MYO18B: variants seen among roughly 807,000 people sequenced by gnomAD.
MYO18B encodes myosin XVIIIB.
Under a neutral mutation model 273.0 loss-of-function variants are expected in MYO18B, and 204 were observed. The observed-to-expected ratio is 0.75, with a 90% CI of 0.67 to 0.84. The LOEUF (loss-of-function observed/expected upper bound fraction) is 0.84, where lower values mean the gene tolerates loss of function less well. Ranked by LOEUF, MYO18B falls within the 40% of genes least tolerant of loss-of-function variation. The pLI is 0.00. For synonymous variants in MYO18B, 1,330 were observed against 1,305.7 expected, an observed-to-expected ratio of 1.02 and a Z score of -0.40; for missense variants, 3,212 against 3,287.6, an observed-to-expected ratio of 0.98 and a Z score of 0.56.
At chr22:26,063,831 G>A in the MYO18B span, among the ~76,000 whole-genome samples, 2 of 152,206 alleles carry the variant, frequency 1.3e-5, no homozygotes, top group African/African-American at 2.4e-5. Flanking sequence ...AGCAATTAAA[G>A]CTCTTCTTTT....
chr22:25,759,641 A>G (rs1290869044), intron 1 of MYO18B, among the ~76,000 whole-genome samples: 4 of 152,222 alleles, frequency 2.6e-5, no homozygotes, highest in Admixed American at 1.3e-4. Context: ...CATGTTCTAC[A>G]CATATATCCC....
At chr22:25,758,073 G>A (rs776603946) in intron 1 of MYO18B, among the ~76,000 whole-genome samples, 20 of 152,148 alleles carry the variant, frequency 1.3e-4, no homozygotes, top group Non-Finnish European at 1.0e-4. Flanking sequence ...GAGTGCAGTG[G>A]CACCATCTTG....
At chr22:26,042,028 A>G in the MYO18B span, among the ~76,000 whole-genome samples, 1 of 152,162 alleles carries the variant, frequency 6.6e-6, no homozygotes, top group Non-Finnish European at 1.5e-5. Flanking sequence ...GCTCCACCCT[A>G]AGGAGCCAGA....
At chr22:25,994,697 GC>G (rs1225218422) in intron 40 of MYO18B, among the ~76,000 whole-genome samples, 2 of 152,076 alleles carry the variant, frequency 1.3e-5, no homozygotes, top group African/African-American at 4.8e-5. Context: ...CACCTCCACT[GC>G]CCCCTCCTCC....
At position 25,908,329 on chromosome 22, in the gene MYO18B, A is replaced by T; in HGVS notation, c.5156A>T (p.Gln1719Leu). 6.3e-7 allele frequency: 1 copy of T among 1,582,882 alleles called. No homozygotes were observed. Among genetic ancestry groups the T allele is most frequent in the Non-Finnish European group, 8.6e-7 (1 of 1,164,760 alleles). ...TCCTTGCTGCCCCCGCAGCTCCGCC[A>T]GCGGTTTGAGCTGGAGATCGAGCGG... ...NTIKQLEQLRQRFELEIERMK... is the reference protein window; with the variant it reads ...NTIKQLEQLRLRFELEIERMK... The change falls in exon 32 of 44, where the codon CAG becomes CTG. Residue 1719 changes from glutamine (Q) to leucine (L), a missense_variant. Coordinates refer to ENST00000335473, the MANE Select transcript of MYO18B (RefSeq NM_032608.7).
At chr22:26,050,097 G>A in the MYO18B span, among the ~76,000 whole-genome samples, 48 of 152,260 alleles carry the variant, frequency 3.2e-4, no homozygotes, top group East Asian at 9.3e-3. Context: ...TATAAAACAA[G>A]TAAACCAGGG....
chr22:25,746,824 A>G (rs1290056062), intron 1 of MYO18B, among the ~76,000 whole-genome samples: 1 of 152,230 alleles, frequency 6.6e-6, no homozygotes. Flanking sequence ...TAGTGGATAG[A>G]AAATTAGCCC....
chr22:25,892,657 A>G (rs761133154), intron 27 of MYO18B: 1 of 152,208 alleles, frequency 6.6e-6, no homozygotes, highest in Admixed American at 6.5e-5. Flanking sequence ...AAAAGAGACA[A>G]TGAGTATTTA....
chr22:25,947,531 CACACACACA>C lies in MYO18B; in HGVS notation c.5632-180_5632-172del, dbSNP rs2092728082. On this transcript the variant is annotated intron_variant, in intron 35 of 43. Transcript: ENST00000335473. ...ACACACACACACACACACACACACACACACACACACACCAAGCTGTTATACCTACCACAT... is the reference window on the plus strand; with the variant it reads ...ACACACACACACACACACACACACACCACCAAGCTGTTATACCTACCACAT... Among the ~76,000 whole-genome samples the C allele has an allele frequency of 6.8e-5, 10 of 146,968 alleles. No homozygotes were observed. In the South Asian group the frequency reaches 2.1e-3, roughly 31 times the overall value.
At chr22:25,842,985 G>C (rs1162186652) in intron 17 of MYO18B, among the ~76,000 whole-genome samples, 1 of 152,074 alleles carries the variant, frequency 6.6e-6, no homozygotes, top group Non-Finnish European at 1.5e-5. Flanking sequence ...TTATGTGCCC[G>C]GACACTATAC....
rs373074703 is a variant in MYO18B at position 26,027,588 on chromosome 22, C to T, written c.7614C>T (p.Gly2538=). The change falls in exon 43 of 44, where the codon GGC becomes GGT. Residue 2538 remains glycine, a synonymous_variant. Transcript: ENST00000335473. This position sits in a 1 kb window ranked among gnomAD's most constrained non-coding sequence, Gnocchi z 4.1. ...TCCCACGACTTGCGGGTGACGGTGG[C>T]GAGCGAACGTCCCCCGAGCGGAGAG... The part of the protein sequence containing the change: ...PGIPRLAGDG[G]ERTSPERREP... 35 of 1,613,750 alleles carry T rather than the reference C, an allele frequency of 2.2e-5. No individual in the cohort carries two copies. Among genetic ancestry groups the T allele is most frequent in the Non-Finnish European group, 1.7e-5 (20 of 1,179,878 alleles).
intron 12 of MYO18B, among the ~76,000 whole-genome samples, chr22:25,803,280 T>C (rs1296611483): frequency 6.6e-6 from 1 of 152,220 alleles, no homozygotes; most frequent in Non-Finnish European, 1.5e-5. Flanking sequence ...GCTGCTTTCA[T>C]GTGGTGTAGT....
chr22:26,029,773 T>TA (rs1299351785), intron 43 of MYO18B, among the ~76,000 whole-genome samples: 2 of 152,194 alleles, frequency 1.3e-5, no homozygotes, highest in Non-Finnish European at 2.9e-5. Flanking sequence ...AGGCAAGTGA[T>TA]ACAGTCTCAC....
intron 39 of MYO18B, among the ~76,000 whole-genome samples, chr22:25,969,798 T>C (rs1258930135): frequency 2.0e-5 from 3 of 152,230 alleles, no homozygotes; most frequent in African/African-American, 7.2e-5. Context: ...TGTTTCCCTG[T>C]TAACTCATAA....
At chr22:25,957,441 C>A (rs1438081672) in intron 39 of MYO18B, among the ~76,000 whole-genome samples, 3 of 152,218 alleles carry the variant, frequency 2.0e-5, no homozygotes, top group Non-Finnish European at 4.4e-5. Flanking sequence ...TGAAATTAGA[C>A]CTGCATCTGT....
Position 26,027,337 on chromosome 22 carries a change from A to T in MYO18B, c.7363A>T (p.Thr2455Ser). ...LPAIRKPQTP[T>S]SLAGSAKGGQ... ...AGCTATCCGGAAGCCCCAGACACCT[A>T]CCTCCTTGGCTGGATCAGCCAAAGG... Residue 2455 changes from threonine (T) to serine (S), a missense_variant, in exon 43 of 44, where the codon ACC (threonine) becomes TCC (serine). Physicochemically the swap from Thr to Ser is moderately conservative, Grantham distance 58. Coordinates refer to ENST00000335473, the MANE Select transcript of MYO18B (RefSeq NM_032608.7). The surrounding 1 kb of genome is among the most constrained non-coding windows in gnomAD (Gnocchi z 4.1). 6.2e-7 allele frequency: 1 copy of T among 1,613,706 alleles called. No individual in the cohort carries two copies. Among genetic ancestry groups the T allele is most frequent in the Non-Finnish European group, 8.5e-7 (1 of 1,179,824 alleles).
intron 34 of MYO18B, among the ~76,000 whole-genome samples, chr22:25,931,549 C>G (rs1216646948): frequency 6.6e-6 from 1 of 152,102 alleles, no homozygotes; most frequent in Non-Finnish European, 1.5e-5. Flanking sequence ...CTGTTTTGAA[C>G]CAGTGTGTGG....
In MYO18B at chr22:25,946,196, G is replaced by T. The variant is rs745484350; in HGVS notation, c.5577G>T (p.Ala1859=). 1.3e-6 allele frequency: 2 copies of T among 1,584,270 alleles called. No homozygotes were observed. The highest frequency in any genetic ancestry group is 1.4e-5 in the African/African-American group (1 of 72,522). The change falls in exon 35 of 44, where the codon GCG becomes GCT. Residue 1859 remains alanine, a synonymous_variant. Coordinates refer to ENST00000335473, the MANE Select transcript of MYO18B (RefSeq NM_032608.7). ...EALKTQKVLT[A]DLESMHSELE... is the part of the protein sequence containing the mutation. Reference sequence around the variant, plus strand: ...TGAAGACGCAGAAGGTGCTCACAGCGGACCTGGAGAGCATGCACAGCGAGC... The same window carrying T: ...TGAAGACGCAGAAGGTGCTCACAGCTGACCTGGAGAGCATGCACAGCGAGC...
intron 12 of MYO18B, among the ~76,000 whole-genome samples, chr22:25,810,446 T>C (rs2088696072): frequency 6.9e-6 from 1 of 145,376 alleles, no homozygotes; most frequent in Non-Finnish European, 1.5e-5. Context: ...TTTTTTTTTT[T>C]TTTTTGAGAT....
Sources: gnomAD v4.1 joint callset for allele counts (sites outside exome capture counted in the v4.1 genomes callset) on GRCh38, gnomAD v4.1.1 for gene constraint, Gnocchi (gnomAD v3.1) non-coding constraint, MANE v1.5 for transcripts, NCBI Gene and HGNC (gene_info 2026-07-23, HGNC 2026-07-21) for gene names.